SPIDR: variants seen among roughly 807,000 people sequenced by gnomAD.
SPIDR encodes the protein scaffold protein involved in DNA repair, also known as DNA repair-scaffolding protein.
Under a neutral mutation model 104.6 loss-of-function variants are expected in SPIDR, and 93 were observed. The ratio of observed to expected loss-of-function variants is 0.89; its 90% confidence interval spans 0.75 to 1.06. SPIDR has a LOEUF of 1.06. Among genes scored for constraint, SPIDR ranks in the 50% least tolerant of loss-of-function variants. The pLI is 0.00. For missense variants in SPIDR, 1,154 were observed against 1,111.2 expected (o/e 1.04, Z -0.55); for synonymous variants, 431 against 416.9 (o/e 1.03, Z -0.41).
At position 47,381,773 on chromosome 8, in the gene SPIDR, C is replaced by T. The variant is rs1298300180; in HGVS notation, c.526-14603C>T. ...TGGCACCAGGCGCACAAGGTGTCCT[C>T]ACAGAGCCGCCCCGTGGCACGCCTT... On this transcript the variant is annotated intron_variant, in intron 5 of 19. Transcript: ENST00000297423. Among the ~76,000 whole-genome samples the T allele has an allele frequency of 5.9e-5, 9 of 152,236 alleles. 1 individual carries two copies. The highest frequency in any genetic ancestry group is 5.9e-4 in the Admixed American group (9 of 15,288).
chr8:47,434,630 T>C (rs2067951706), intron 7 of SPIDR, among the ~76,000 whole-genome samples: 1 of 152,178 alleles, frequency 6.6e-6, no homozygotes, highest in Non-Finnish European at 1.5e-5. Flanking sequence ...TGCCCTCTAT[T>C]GGAGAATAAT....
intron 2 of SPIDR, among the ~76,000 whole-genome samples, chr8:47,281,809 A>G (rs2154223511): frequency 6.6e-6 from 1 of 152,342 alleles, no homozygotes; most frequent in Middle Eastern, 3.4e-3. Context: ...AATGGCACAT[A>G]GAATGGTGAA....
intron 1 of SPIDR, among the ~76,000 whole-genome samples, chr8:47,273,879 A>G (rs2035833312): frequency 1.3e-5 from 2 of 152,306 alleles, no homozygotes; most frequent in Admixed American, 6.5e-5. Flanking sequence ...GGAGTAAGCC[A>G]TGGTTCTGGC....
intron 8 of SPIDR, among the ~76,000 whole-genome samples, chr8:47,510,814 T>C (rs1049550507): frequency 6.6e-6 from 1 of 152,254 alleles, no homozygotes; most frequent in Non-Finnish European, 1.5e-5. Flanking sequence ...TGGTTATTTT[T>C]ATTTTTTTCA....
intron 16 of SPIDR, among the ~76,000 whole-genome samples, chr8:47,720,014 A>C (rs1401376185): frequency 1.3e-5 from 2 of 152,134 alleles, no homozygotes; most frequent in Non-Finnish European, 2.9e-5. Context: ...CTGGCTCTTC[A>C]TCCCTCCCTC....
intron 8 of SPIDR, among the ~76,000 whole-genome samples, chr8:47,590,990 G>T (rs1256928238): frequency 6.6e-6 from 1 of 151,932 alleles, no homozygotes; most frequent in Non-Finnish European, 1.5e-5. Flanking sequence ...ATGTTTACAT[G>T]ATGTATCTTT....
intron 8 of SPIDR, among the ~76,000 whole-genome samples, chr8:47,483,348 A>T (rs781808561): frequency 1.3e-5 from 2 of 152,190 alleles, no homozygotes; most frequent in Admixed American, 6.5e-5. Flanking sequence ...AAAAGAATTA[A>T]TAGAAAATGG....
intron 8 of SPIDR, among the ~76,000 whole-genome samples, chr8:47,476,530 C>T (rs1276330165): frequency 1.3e-5 from 2 of 152,144 alleles, no homozygotes; most frequent in African/African-American, 2.4e-5. Context: ...CACAGTTCCC[C>T]GCAGGTGGCC....
chr8:47,696,695 G>T (rs1018559533), intron 11 of SPIDR, among the ~76,000 whole-genome samples: 7 of 152,162 alleles, frequency 4.6e-5, no homozygotes, highest in Non-Finnish European at 7.3e-5. Context: ...GTCTGCTTCA[G>T]CACCCACACC....
chr8:47,468,533 A>G (rs2075239835), intron 8 of SPIDR, among the ~76,000 whole-genome samples: 1 of 152,072 alleles, frequency 6.6e-6, no homozygotes, highest in Non-Finnish European at 1.5e-5. Context: ...AGAATAAACA[A>G]CCCAAAAATA....
chr8:47,455,414 GAC>G (rs1273845084), intron 8 of SPIDR, among the ~76,000 whole-genome samples: 20 of 150,790 alleles, frequency 1.3e-4, no homozygotes, highest in African/African-American at 4.9e-4. Context: ...CACACACACA[GAC>G]ACACAAAAAA....
intron 8 of SPIDR, among the ~76,000 whole-genome samples, chr8:47,564,782 AAT>A: frequency 6.6e-6 from 1 of 152,332 alleles, no homozygotes; most frequent in Non-Finnish European, 1.5e-5. Context: ...TTAAAAATAA[AAT>A]AGTTTGATAT....
At chr8:47,579,433 G>A (rs2059483048) in intron 8 of SPIDR, among the ~76,000 whole-genome samples, 1 of 152,126 alleles carries the variant, frequency 6.6e-6, no homozygotes, top group South Asian at 2.1e-4. Context: ...TGTCCACTAT[G>A]GTAGTCACTA....
chr8:47,538,264 G>A (rs2087324817), intron 8 of SPIDR, among the ~76,000 whole-genome samples: 1 of 152,128 alleles, frequency 6.6e-6, no homozygotes, highest in South Asian at 2.1e-4. Flanking sequence ...ATAAATTAAG[G>A]CTGGGCGTGG....
intron 8 of SPIDR, among the ~76,000 whole-genome samples, chr8:47,514,862 G>A (rs1170006702): frequency 1.3e-5 from 2 of 152,142 alleles, no homozygotes. Flanking sequence ...TTCAAAGGCT[G>A]TAAAAGGCTA....
At chr8:47,609,702 G>A (rs1355805770) in intron 10 of SPIDR, among the ~76,000 whole-genome samples, 1 of 151,992 alleles carries the variant, frequency 6.6e-6, no homozygotes, top group Non-Finnish European at 1.5e-5. Flanking sequence ...AGAGTTAGAG[G>A]TGTAAATAAT....
intron 10 of SPIDR, among the ~76,000 whole-genome samples, chr8:47,662,924 G>A (rs1462066811): frequency 6.6e-6 from 1 of 152,210 alleles, no homozygotes; most frequent in Admixed American, 6.5e-5. Flanking sequence ...TGCCAAACCT[G>A]CTGGTGCCTT....
chr8:47,542,447 A>C (rs973208615), intron 8 of SPIDR, among the ~76,000 whole-genome samples: 4 of 152,148 alleles, frequency 2.6e-5, no homozygotes, highest in Non-Finnish European at 4.4e-5. Flanking sequence ...ACGTTAAAGA[A>C]GACTTACCGC....
chr8:47,614,168 G>C (rs2063960828), intron 10 of SPIDR, among the ~76,000 whole-genome samples: 1 of 151,774 alleles, frequency 6.6e-6, no homozygotes, highest in Admixed American at 6.6e-5. Context: ...ACGGCTCCCA[G>C]CTCCATATCC....
Sources: gnomAD v4.1 joint callset for allele counts (sites outside exome capture counted in the v4.1 genomes callset) on GRCh38, gnomAD v4.1.1 for gene constraint, MANE v1.5 for transcripts, NCBI Gene and HGNC (gene_info 2026-07-23, HGNC 2026-07-21) for gene names.